WDR81: variants seen among roughly 807,000 people sequenced by gnomAD.
The protein encoded by WDR81 is WD repeat domain 81.
A neutral mutation model predicts 140.8 loss-of-function variants in WDR81; 92 were observed. The ratio of observed to expected loss-of-function variants is 0.65; its 90% CI spans 0.55 to 0.78. The LOEUF (loss-of-function observed/expected upper bound fraction) is 0.78, where lower values mean the gene tolerates loss of function less well. Ranked by LOEUF, WDR81 falls within the 30% of genes least tolerant of loss-of-function variation. WDR81 has a pLI of 0.00. For synonymous variants in WDR81, 1,183 were observed against 1,156.4 expected, an observed-to-expected ratio of 1.02 and a Z score of -0.47; for missense variants, 2,502 against 2,636.4, an observed-to-expected ratio of 0.95 and a Z score of 1.12.
rs745462610 is a variant in WDR81 at position 1,736,210 on chromosome 17, C to A, written c.5497C>A (p.Gln1833Lys). 3 of 1,596,892 alleles carry A rather than the reference C, an allele frequency of 1.9e-6. No homozygotes were observed. In the South Asian group the frequency reaches 3.3e-5, roughly 18 times the overall value. ...GCCAGCCCACGAGGGGGACATTCTG[C>A]AGATCAAGGTGACGGGCCGGGTCTC... ...GWPAHEGDIL[Q>K]IKAVEGSVLV... is the part of the protein sequence containing the mutation. The change falls in exon 9 of 10, where the codon CAG becomes AAG. Residue 1833 changes from glutamine to lysine, a missense_variant. This residue lies in a region of WDR81 where 1,737 missense variants were observed against 1,843.0 expected (regional missense o/e 0.94). Coordinates refer to ENST00000409644, the MANE Select transcript of WDR81 (RefSeq NM_001163809.2).
exon 1 of WDR81, chr17:1,716,544 G>C (rs1315649178): frequency 6.4e-7 from 1 of 1,550,674 alleles, no homozygotes; most frequent in African/African-American, 1.4e-5. Context: ...CTAAAGAGCA[G>C]GCGAAAGCCA....
At chr17:1,730,277 G>C in intron 1 of WDR81, 103 bp from the exon 2 acceptor site, 1 of 964,594 alleles carries the variant, frequency 1.0e-6, no homozygotes, top group South Asian at 1.6e-5. Context: ...GCTCTTGGCA[G>C]AGCTGCAGCC....
Position 1,737,390 on chromosome 17 carries a change from GCTC to G in WDR81, c.5538_5540del (p.Ser1847del), listed in dbSNP as rs761263772. The G allele has an allele frequency of 3.6e-5, 58 of 1,611,974 alleles. No homozygotes were observed. Among genetic ancestry groups the G allele is most frequent in the Non-Finnish European group, 4.2e-5 (50 of 1,179,590 alleles). ...GCGGTGGAGGGCAGCGTCCTGGTCAGCTCCTCCTCTGACCATTCCTTGACCGTC... is the reference window on the plus strand; with the variant it reads ...GCGGTGGAGGGCAGCGTCCTGGTCAGCTCCTCTGACCATTCCTTGACCGTC... On this transcript the variant is annotated inframe_deletion, in exon 10 of 10. Transcript: ENST00000409644.
upstream of WDR81, chr17:1,724,398 CT>C (rs1484526542): frequency 5.9e-6 from 5 of 852,082 alleles, no homozygotes; most frequent in African/African-American, 1.8e-5. Context: ...AGTTCTGCCC[CT>C]GGTTGTGCGG....
At chr17:1,729,612 T>C (rs1029764648) in intron 1 of WDR81, among the ~76,000 whole-genome samples, 4 of 152,016 alleles carry the variant, frequency 2.6e-5, no homozygotes, top group Admixed American at 2.6e-4. Flanking sequence ...AAAGAAAGTC[T>C]GAAGGCTGAG....
intron 7 of WDR81, among the ~76,000 whole-genome samples, chr17:1,734,765 C>T (rs1365981702): frequency 3.7e-5 from 5 of 136,286 alleles, no homozygotes; most frequent in East Asian, 2.2e-4. Flanking sequence ...GGCAACAGAG[C>T]GAGACTCTGT....
At position 1,727,219 on chromosome 17, in the gene WDR81, C is replaced by T; in HGVS notation, c.2260C>T (p.Gln754Ter). Residue 754 changes from glutamine to a stop codon, truncating the protein, a stop_gained, in exon 1 of 10, where the codon CAG (glutamine) becomes TAG (stop). Coordinates refer to ENST00000409644, the MANE Select transcript of WDR81 (RefSeq NM_001163809.2). LOFTEE classifies it high-confidence loss of function. ...AGGGGGCCTGTTGGAGGTGCCTGAG[C>T]AGCCCCGGGTCCAGCCGGCTGTGCC... ...GLGGLLEVPE[Q>*]PRVQPAVPLQ... 1 of 1,550,216 alleles carries T rather than the reference C, an allele frequency of 6.5e-7. No homozygotes were observed. The highest frequency in any genetic ancestry group is 8.7e-7 in the Non-Finnish European group (1 of 1,146,862).
Position 1,724,747 on chromosome 17 carries a change from C to T in WDR81, c.-213C>T, listed in dbSNP as rs1915099502. On this transcript the variant is annotated 5_prime_UTR_variant, in exon 1 of 10. Coordinates refer to ENST00000409644, the MANE Select transcript of WDR81 (RefSeq NM_001163809.2). ...GAGCCCGGTGCTCGCGCCCGGCAGCCTCTGCCCCGCCGCGCCCGGAGCGCA... is the reference window on the plus strand; with the variant it reads ...GAGCCCGGTGCTCGCGCCCGGCAGCTTCTGCCCCGCCGCGCCCGGAGCGCA... 4 of 1,124,866 alleles carry T rather than the reference C, an allele frequency of 3.6e-6. No individual in the cohort carries two copies. Among genetic ancestry groups the T allele is most frequent in the Non-Finnish European group, 4.3e-6 (4 of 920,304 alleles). The allele number at this position is 1,124,866 out of a possible 1,614,324, so 69.7% of individuals were successfully genotyped here.
intron 1 of WDR81, among the ~76,000 whole-genome samples, chr17:1,719,149 C>G (rs905285488): frequency 6.6e-6 from 1 of 152,236 alleles, no homozygotes; most frequent in South Asian, 2.1e-4. Flanking sequence ...CCAGCTCTTA[C>G]TAGCTGTGAA....
Position 1,732,691 on chromosome 17 carries a change from G to C in WDR81, c.4349G>C (p.Arg1450Pro). ...GATCTGAAGCTGGACCCTGCGGGCC[G>C]TGGTGAGGGCCAGCTGCCACAGGTG... ...QQDLKLDPAG[R>P]GEGQLPQVVF... The change falls in exon 6 of 10, where the codon CGT becomes CCT. Residue 1450 changes from arginine to proline, a missense_variant. Physicochemically the swap from Arg to Pro is moderately radical, Grantham distance 103. Coordinates refer to ENST00000409644, the MANE Select transcript of WDR81 (RefSeq NM_001163809.2). The C allele has an allele frequency of 1.2e-6, 2 of 1,610,166 alleles. No homozygotes were observed. The highest frequency in any genetic ancestry group is 1.7e-6 in the Non-Finnish European group (2 of 1,178,442).
At position 1,724,704 on chromosome 17, in the gene WDR81, A is replaced by T. The variant is rs1915093082; in HGVS notation, c.-256A>T. 1.8e-6 allele frequency: 2 copies of T among 1,083,020 alleles called. No homozygotes were observed. The highest frequency in any genetic ancestry group is 1.7e-5 in the African/African-American group (1 of 59,838). The allele number at this position is 1,083,020 out of a possible 1,614,324, so 67.1% of individuals were successfully genotyped here. On this transcript the variant is annotated 5_prime_UTR_variant, in exon 1 of 10. Transcript: ENST00000409644. ...CTGGGGCGATCACGTGACCCGCGTC[A>T]GCTGACCCGTCACGGTGGAGCCCGG...
chr17:1,720,161 C>A (rs1439284487), upstream of WDR81, among the ~76,000 whole-genome samples: 2 of 152,212 alleles, frequency 1.3e-5, no homozygotes, highest in African/African-American at 4.8e-5. Context: ...CAAGAGCTGA[C>A]CCCGCTCAAC....
In WDR81 at chr17:1,736,166, G is replaced by C; in HGVS notation, c.5453G>C (p.Gly1818Ala). 1.2e-6 allele frequency: 2 copies of C among 1,600,170 alleles called. No individual in the cohort carries two copies. Among genetic ancestry groups the C allele is most frequent in the Non-Finnish European group, 1.7e-6 (2 of 1,179,706 alleles). ...ATGGTGCTCCTGGACACCCGCACAG[G>C]CCTGGTTCTGCGAGGCTGGCCAGCC... ...GFMVLLDTRT[G>A]LVLRGWPAHE... Residue 1818 changes from glycine to alanine, a missense_variant, in exon 9 of 10, where the codon GGC (glycine) becomes GCC (alanine). Gly to Ala is a moderately conservative substitution (Grantham distance 60). Coordinates refer to ENST00000409644, the MANE Select transcript of WDR81 (RefSeq NM_001163809.2).
upstream of WDR81, among the ~76,000 whole-genome samples, chr17:1,721,444 G>T (rs1305743108): frequency 6.6e-6 from 1 of 151,510 alleles, no homozygotes; most frequent in African/African-American, 2.4e-5. Context: ...ACCTGAGCCT[G>T]GGGAGGTCGA....
rs137952560 is a variant in WDR81, at chr17:1,735,623, C to T, written c.5231C>T (p.Ala1744Val). 4.5e-4 allele frequency: 725 copies of T among 1,612,794 alleles called. 4 individuals carry two copies. The African/African-American group carries it at 6.0e-3, about 13-fold the overall frequency. Reference sequence around the variant, plus strand: ...CTGGACAGCCGGGTGCCCCTGACTGCGGTGGCTGTCATGCCCGCCCCCCAC... The same window carrying T: ...CTGGACAGCCGGGTGCCCCTGACTGTGGTGGCTGTCATGCCCGCCCCCCAC... ...EPLDSRVPLT[A>V]VAVMPAPHTS... Residue 1744 changes from alanine (A) to valine (V), a missense_variant, in exon 8 of 10, where the codon GCG becomes GTG. Physicochemically the swap from Ala to Val is moderately conservative, Grantham distance 64. Coordinates refer to ENST00000409644, the MANE Select transcript of WDR81 (RefSeq NM_001163809.2). This position sits in a 1 kb window ranked among gnomAD's most constrained non-coding sequence, Gnocchi z 4.2.
At position 1,735,457 on chromosome 17, in the gene WDR81, C is replaced by T; in HGVS notation, c.5180-115C>T. On this transcript the variant is annotated intron_variant, in intron 7 of 9. Transcript: ENST00000409644. This position sits in a 1 kb window ranked among gnomAD's most constrained non-coding sequence, Gnocchi z 4.2. Reference sequence around the variant, plus strand: ...AAAAGAGAAACATCTTTAGCATTTTCTAAGGATCCCTGGGGGACGGGAGGC... The same window carrying T: ...AAAAGAGAAACATCTTTAGCATTTTTTAAGGATCCCTGGGGGACGGGAGGC... 8.9e-7 allele frequency: 1 copy of T among 1,124,854 alleles called. No homozygotes were observed. Among genetic ancestry groups the T allele is most frequent in the East Asian group, 2.9e-5 (1 of 34,254 alleles). The allele number at this position is 1,124,854 out of a possible 1,614,324, so 69.7% of individuals were successfully genotyped here.
intron 1 of WDR81, among the ~76,000 whole-genome samples, chr17:1,729,273 A>G (rs983968830): frequency 9.2e-5 from 14 of 152,020 alleles, no homozygotes; most frequent in Admixed American, 6.6e-5. Flanking sequence ...TGAGGTTAGG[A>G]GTTCGAGACC....
Position 1,716,976 on chromosome 17 carries a change from G to C in WDR81, c.-124+343G>C, listed in dbSNP as rs148372768. The C allele has an allele frequency of 2.5e-3, 1,062 of 417,942 alleles. 5 individuals are homozygous for C. The highest frequency in any genetic ancestry group is 3.6e-3 in the Admixed American group (88 of 24,282). 25.9% of individuals were successfully genotyped at this position (417,942 alleles called of 1,614,324 possible). A position where few individuals can be genotyped will look rare whatever the true frequency, so the allele number is the denominator to read the frequency against. On this transcript the variant is annotated intron_variant, in intron 1 of 10. Transcript: ENST00000309182. ...TGGATGTCTCTTCCCAGTCCCAGAA[G>C]AGCCCCCAGAGCCTCCCAAGAGGTA...
In WDR81 at chr17:1,726,326, G is replaced by A. The variant is rs1915260893; in HGVS notation, c.1367G>A (p.Arg456Gln). Residue 456 changes from arginine to glutamine, a missense_variant, in exon 1 of 10, where the codon CGG becomes CAG. Transcript: ENST00000409644. ...ATCACGTACTATGTGTACAAGGCTC[G>A]GCGCACGCCTCGGTCGGTGCTCTGC... Reference protein sequence around the residue: ...SDITYYVYKARRTPRSVLCGH... With the variant: ...SDITYYVYKAQRTPRSVLCGH... 3.9e-6 allele frequency: 6 copies of A among 1,543,922 alleles called. No homozygotes were observed. The highest frequency in any genetic ancestry group is 5.3e-6 in the Non-Finnish European group (6 of 1,142,326).
Sources: gnomAD v4.1 joint callset for allele counts (sites outside exome capture counted in the v4.1 genomes callset) on GRCh38, gnomAD v4.1.1 for gene constraint, gnomAD v4.1.1 regional missense constraint, Gnocchi (gnomAD v3.1) non-coding constraint, MANE v1.5 for transcripts, NCBI Gene and HGNC (gene_info 2026-07-23, HGNC 2026-07-21) for gene names.